The following WDPCP variants were observed in gnomAD, a reference collection of about 807,000 sequenced individuals.
WDPCP encodes WD repeat containing planar cell polarity effector.
WDPCP carries 71 observed loss-of-function variants against 93.1 expected under a neutral mutation model. The ratio of observed to expected loss-of-function variants is 0.76; its 90% CI spans 0.63 to 0.93. The LOEUF (loss-of-function observed/expected upper bound fraction) is 0.93. Among genes scored for constraint, WDPCP ranks in the 40% least tolerant of loss-of-function variants. The probability of loss-of-function intolerance (pLI) is 0.00; values close to 1 mark genes in which losing one functional copy is unlikely to be tolerated. For missense variants in WDPCP, 844 were observed against 887.4 expected, an observed-to-expected ratio of 0.95 and a Z score of 0.62; for synonymous variants, 315 against 315.0, an observed-to-expected ratio of 1.00 and a Z score of 0.00.
At position 63,191,890 on chromosome 2, in the gene WDPCP, G is replaced by T. The variant is rs190383231; in HGVS notation, c.1916-17058C>A. Among the ~76,000 whole-genome samples, 5 of 152,264 alleles carry T rather than the reference G, an allele frequency of 3.3e-5. No individual in the cohort carries two copies. The East Asian group carries it at 9.6e-4, about 29-fold the overall frequency. ...CCAAATAAAGTTTTATTGGAGCATA[G>T]CCATGCTTGTTTGTTTACATATTGT... On this transcript the variant is annotated intron_variant, in intron 14 of 17. Coordinates refer to ENST00000272321, the MANE Select transcript of WDPCP (RefSeq NM_015910.7).
intron 2 of WDPCP, among the ~76,000 whole-genome samples, chr2:63,733,978 A>C (rs1445183848): frequency 6.6e-6 from 1 of 152,204 alleles, no homozygotes; most frequent in East Asian, 1.9e-4. Context: ...TATTCTAGAA[A>C]TATCACATGA....
intron 13 of WDPCP, among the ~76,000 whole-genome samples, chr2:63,307,845 C>T (rs1685862561): frequency 6.6e-6 from 1 of 152,134 alleles, no homozygotes; most frequent in South Asian, 2.1e-4. Flanking sequence ...ACATCAAAAG[C>T]AATGGCAACA....
intron 2 of WDPCP, among the ~76,000 whole-genome samples, chr2:63,725,670 G>C (rs1432228464): frequency 6.6e-6 from 1 of 152,078 alleles, no homozygotes; most frequent in Non-Finnish European, 1.5e-5. Context: ...CCAACAGTAT[G>C]TAGGTGTTAA....
chr2:63,563,589 G>A (rs367737478), intron 1 of WDPCP, among the ~76,000 whole-genome samples: 1 of 151,988 alleles, frequency 6.6e-6, no homozygotes, highest in African/African-American at 2.4e-5. Flanking sequence ...ATATAGGCCT[G>A]CTTTTTGGGT....
intron 1 of WDPCP, among the ~76,000 whole-genome samples, chr2:63,519,555 C>T (rs1702787872): frequency 6.6e-6 from 1 of 152,236 alleles, no homozygotes; most frequent in East Asian, 1.9e-4. Context: ...GTTTCCTAAC[C>T]TCAAGGGGTG....
At chr2:63,204,022 A>G (rs560067472) in intron 14 of WDPCP, among the ~76,000 whole-genome samples, 1 of 152,308 alleles carries the variant, frequency 6.6e-6, no homozygotes, top group East Asian at 1.9e-4. Flanking sequence ...GGGAGTGCAG[A>G]TATCTCTTTG....
intron 2 of WDPCP, among the ~76,000 whole-genome samples, chr2:63,661,341 G>A (rs544091808): frequency 6.6e-6 from 1 of 152,238 alleles, no homozygotes; most frequent in South Asian, 2.1e-4. Flanking sequence ...CTTATAAGCT[G>A]TTGGGTTCTT....
intron 14 of WDPCP, among the ~76,000 whole-genome samples, chr2:63,212,448 AC>A (rs1559208119): frequency 6.6e-6 from 1 of 152,202 alleles, no homozygotes; most frequent in African/African-American, 2.4e-5. Context: ...GGCCTGCCTT[AC>A]AAGAGCTCCT....
intron 12 of WDPCP, among the ~76,000 whole-genome samples, chr2:63,322,850 G>A (rs540495639): frequency 7.9e-5 from 12 of 152,172 alleles, no homozygotes; most frequent in East Asian, 3.9e-4. Flanking sequence ...GACCCCTTTC[G>A]CTTGCTATTC....
At chr2:63,473,237 T>C (rs1699790480) in intron 6 of WDPCP, among the ~76,000 whole-genome samples, 1 of 152,130 alleles carries the variant, frequency 6.6e-6, no homozygotes, top group Non-Finnish European at 1.5e-5. Context: ...CAGAGAAGGA[T>C]CCTCTAAGCA....
intron 1 of WDPCP, among the ~76,000 whole-genome samples, chr2:63,532,882 G>C (rs1392710718): frequency 6.6e-6 from 1 of 152,076 alleles, no homozygotes; most frequent in African/African-American, 2.4e-5. Context: ...ATATAAATGG[G>C]CTAAATGCTC....
intron 2 of WDPCP, among the ~76,000 whole-genome samples, chr2:63,764,940 G>T (rs1017808343): frequency 1.3e-5 from 2 of 152,162 alleles, no homozygotes; most frequent in African/African-American, 4.8e-5. Flanking sequence ...AATTGAAAAT[G>T]GAAAGAGCTG....
chr2:63,493,627 T>G (rs990184032), intron 1 of WDPCP, among the ~76,000 whole-genome samples: 2 of 151,770 alleles, frequency 1.3e-5, no homozygotes, highest in Admixed American at 1.3e-4. Flanking sequence ...ATGGACACTA[T>G]GAATACTTTT....
chr2:63,125,895 GC>G (rs1365646492), intron 17 of WDPCP, among the ~76,000 whole-genome samples: 8 of 149,374 alleles, frequency 5.4e-5, no homozygotes, highest in Non-Finnish European at 7.4e-5. Flanking sequence ...ACAGGCGTGA[GC>G]CACCTCGCCA....
intron 1 of WDPCP, among the ~76,000 whole-genome samples, chr2:63,505,750 A>G (rs1407323531): frequency 3.9e-5 from 6 of 152,106 alleles, no homozygotes; most frequent in Non-Finnish European, 7.4e-5. Context: ...ATATCATTTT[A>G]TCTTCTAATT....
intron 15 of WDPCP, among the ~76,000 whole-genome samples, chr2:63,173,829 A>ATC (rs1673583664): frequency 1.3e-5 from 2 of 152,134 alleles, no homozygotes; most frequent in South Asian, 4.1e-4. Flanking sequence ...TCTTGAGGGT[A>ATC]TTATAGGTGG....
chr2:63,802,257 G>A (rs1287900843), intron 2 of WDPCP, among the ~76,000 whole-genome samples: 1 of 107,702 alleles, frequency 9.3e-6, no homozygotes, highest in Non-Finnish European at 1.7e-5. Flanking sequence ...ACCAGCCTGG[G>A]CAACATTATG....
chr2:63,372,003 A>C (rs1691433224), intron 12 of WDPCP, among the ~76,000 whole-genome samples: 1 of 152,174 alleles, frequency 6.6e-6, no homozygotes, highest in Non-Finnish European at 1.5e-5. Flanking sequence ...TAAAGAAAAG[A>C]GGTTTAATTG....
intron 1 of WDPCP, among the ~76,000 whole-genome samples, chr2:63,500,493 T>G (rs955566893): frequency 2.5e-5 from 3 of 118,022 alleles, no homozygotes; most frequent in Non-Finnish European, 5.3e-5. Context: ...AAAGTGGTTA[T>G]ACAGTGATCA....
Sources: gnomAD v4.1 joint callset for allele counts (sites outside exome capture counted in the v4.1 genomes callset) on GRCh38, gnomAD v4.1.1 for gene constraint, MANE v1.5 for transcripts, NCBI Gene and HGNC (gene_info 2026-07-23, HGNC 2026-07-21) for gene names.